CCDC148: variants seen among roughly 807,000 people sequenced by gnomAD.
The protein encoded by CCDC148 is coiled-coil domain containing 148, also known as coiled-coil domain-containing protein 148.
In CCDC148, 89 loss-of-function variants were observed where a neutral mutation model predicts 85.7. The observed-to-expected ratio is 1.04, with a 90% CI of 0.87 to 1.24. CCDC148 has a LOEUF of 1.24. Among genes scored for constraint, CCDC148 ranks in the 50% most tolerant of loss-of-function variants. The pLI is 0.00. For missense variants in CCDC148, 692 were observed against 671.7 expected (o/e 1.03, Z -0.33); for synonymous variants, 230 against 213.9 (o/e 1.08, Z -0.66).
At position 158,267,768 on chromosome 2, in the gene CCDC148, G is replaced by A. The variant is rs185136611; in HGVS notation, c.1111-16856C>T. 4.6e-3 allele frequency among the ~76,000 whole-genome samples: 696 copies of A among 152,166 alleles called. 1 individual carries two copies. The highest frequency in any genetic ancestry group is 0.014 in the Middle Eastern group (4 of 294). ...CCGGACTGGTCAGTCCTTCACTCAC[G>A]ATACAGTGGCTTCAGCCCTATTTTC... On this transcript the variant is annotated intron_variant, in intron 9 of 13. Coordinates refer to ENST00000283233, the MANE Select transcript of CCDC148 (RefSeq NM_138803.4).
At chr2:158,347,335 T>C (rs1574661957) in intron 2 of CCDC148, among the ~76,000 whole-genome samples, 1 of 152,020 alleles carries the variant, frequency 6.6e-6, no homozygotes, top group Non-Finnish European at 1.5e-5. Context: ...AAGTAGACTA[T>C]AAAAGTCAAA....
intron 7 of CCDC148, among the ~76,000 whole-genome samples, chr2:158,333,642 T>C (rs1488290607): frequency 6.6e-6 from 1 of 152,174 alleles, no homozygotes; most frequent in African/African-American, 2.4e-5. Context: ...TATTATTGTG[T>C]GGGAGTCTAA....
chr2:158,325,727 C>T (rs1299780985), intron 7 of CCDC148, among the ~76,000 whole-genome samples: 1 of 152,114 alleles, frequency 6.6e-6, no homozygotes, highest in East Asian at 1.9e-4. Flanking sequence ...TACGGTGTTC[C>T]CCATCTAAGT....
chr2:158,318,558 T>C (rs888884503), intron 7 of CCDC148, among the ~76,000 whole-genome samples: 5 of 152,142 alleles, frequency 3.3e-5, no homozygotes, highest in African/African-American at 1.2e-4. Flanking sequence ...ATTTTCCAAA[T>C]AGCAAGCATA....
intron 1 of CCDC148, among the ~76,000 whole-genome samples, chr2:158,408,945 A>T (rs1031392484): frequency 1.3e-5 from 2 of 152,084 alleles, no homozygotes; most frequent in African/African-American, 4.8e-5. Context: ...GCAACTTCTC[A>T]AATACTTGTC....
At position 158,399,403 on chromosome 2, in the gene CCDC148, C is replaced by T. The variant is rs550746187; in HGVS notation, c.26-40833G>A. Among the ~76,000 whole-genome samples, 4 of 152,238 alleles carry T rather than the reference C, an allele frequency of 2.6e-5. No homozygotes were observed. The East Asian group carries it at 7.7e-4, about 29-fold the overall frequency. On this transcript the variant is annotated intron_variant, in intron 1 of 13. Coordinates refer to ENST00000283233, the MANE Select transcript of CCDC148 (RefSeq NM_138803.4). ...TAAAGTACTGGCAAACCAAATCCAG[C>T]AGTACATCAAAAAGCTTATCCACCA...
intron 11 of CCDC148, among the ~76,000 whole-genome samples, chr2:158,180,583 T>C (rs1684849013): frequency 6.6e-6 from 1 of 152,042 alleles, no homozygotes; most frequent in Non-Finnish European, 1.5e-5. Flanking sequence ...TCACTTGCCT[T>C]GACCTAGTCA....
At chr2:158,324,414 C>T (rs1212254548) in intron 7 of CCDC148, among the ~76,000 whole-genome samples, 3 of 152,080 alleles carry the variant, frequency 2.0e-5, no homozygotes, top group South Asian at 4.1e-4. Context: ...TTTATATAAT[C>T]ATTAATGTCA....
At chr2:158,330,878 T>C (rs1034065392) in intron 7 of CCDC148, among the ~76,000 whole-genome samples, 4 of 152,122 alleles carry the variant, frequency 2.6e-5, no homozygotes, top group African/African-American at 7.2e-5. Flanking sequence ...TTTTTTATTG[T>C]GTCTATTTGA....
At chr2:158,268,599 T>C (rs1343968839) in intron 9 of CCDC148, among the ~76,000 whole-genome samples, 1 of 152,166 alleles carries the variant, frequency 6.6e-6, no homozygotes, top group Non-Finnish European at 1.5e-5. Context: ...TTTTGTTTTG[T>C]GGTGAGAATA....
At chr2:158,413,349 A>G (rs948454836) in intron 1 of CCDC148, among the ~76,000 whole-genome samples, 4 of 152,154 alleles carry the variant, frequency 2.6e-5, no homozygotes, top group Admixed American at 2.6e-4. Context: ...TCAGTGGGCT[A>G]TCCCAGCTAG....
At chr2:158,453,387 G>A (rs1688481860) in intron 1 of CCDC148, among the ~76,000 whole-genome samples, 2 of 152,150 alleles carry the variant, frequency 1.3e-5, no homozygotes. Context: ...TGGGGATGGG[G>A]TGGGGCTCAG....
intron 8 of CCDC148, among the ~76,000 whole-genome samples, chr2:158,313,438 G>A (rs907709266): frequency 6.6e-6 from 1 of 152,204 alleles, no homozygotes; most frequent in Non-Finnish European, 1.5e-5. Flanking sequence ...AGCCCCTGAA[G>A]GTGAGCATCT....
At chr2:158,330,844 T>G (rs1693065841) in intron 7 of CCDC148, among the ~76,000 whole-genome samples, 1 of 152,208 alleles carries the variant, frequency 6.6e-6, no homozygotes, top group African/African-American at 2.4e-5. Flanking sequence ...TTCTGTGAGA[T>G]AGGTGGTGAT....
At chr2:158,201,672 A>C (rs898388752) in intron 11 of CCDC148, among the ~76,000 whole-genome samples, 1 of 152,116 alleles carries the variant, frequency 6.6e-6, no homozygotes, top group Non-Finnish European at 1.5e-5. Flanking sequence ...TCGGCTTCCT[A>C]AAGTGCTGGG....
chr2:158,277,188 T>C (rs1160992459), intron 9 of CCDC148, among the ~76,000 whole-genome samples: 2 of 152,194 alleles, frequency 1.3e-5, no homozygotes, highest in East Asian at 3.9e-4. Context: ...GTTGTGCAAG[T>C]TGAATAAATG....
intron 9 of CCDC148, among the ~76,000 whole-genome samples, chr2:158,261,240 A>G (rs991735321): frequency 2.6e-5 from 4 of 152,072 alleles, no homozygotes; most frequent in Admixed American, 2.0e-4. Context: ...CTGATCTTCA[A>G]CAAAGCCAAC....
chr2:158,235,341 C>A (rs1688054508), intron 10 of CCDC148, among the ~76,000 whole-genome samples: 1 of 152,150 alleles, frequency 6.6e-6, no homozygotes, highest in South Asian at 2.1e-4. Flanking sequence ...TCCTATATAA[C>A]ATTTTTCTTA....
chr2:158,265,630 C>T (rs1423235424), intron 9 of CCDC148, among the ~76,000 whole-genome samples: 1 of 152,136 alleles, frequency 6.6e-6, no homozygotes, highest in East Asian at 1.9e-4. Flanking sequence ...CCTTGGCTAG[C>T]TGGGTCCACT....
Sources: gnomAD v4.1 joint callset for allele counts (sites outside exome capture counted in the v4.1 genomes callset) on GRCh38, gnomAD v4.1.1 for gene constraint, MANE v1.5 for transcripts, NCBI Gene and HGNC (gene_info 2026-07-23, HGNC 2026-07-21) for gene names.